The following ARHGEF26 variants were observed in gnomAD, a reference collection of about 807,000 sequenced individuals.
ARHGEF26 encodes the protein Rho guanine nucleotide exchange factor (GEF) 26.
ARHGEF26 carries 59 observed loss-of-function variants against 89.4 expected under a neutral mutation model. That is an observed-to-expected ratio of 0.66 (90% CI 0.54 to 0.82). ARHGEF26 has a LOEUF of 0.82. ARHGEF26 is among the 40% of genes least tolerant of loss of function. The pLI is 0.00. For missense variants in ARHGEF26, 1,234 were observed against 1,085.6 expected (o/e 1.14, Z -1.92); for synonymous variants, 500 against 428.4 (o/e 1.17, Z -2.06).
chr3:154,203,699 A>C (rs1047173960), intron 9 of ARHGEF26, among the ~76,000 whole-genome samples: 4 of 152,050 alleles, frequency 2.6e-5, no homozygotes, highest in African/African-American at 9.7e-5. Context: ...AGGGATGTTG[A>C]ATTTTATCAA....
At chr3:154,210,612 G>C (rs1715302955) in intron 9 of ARHGEF26, among the ~76,000 whole-genome samples, 1 of 151,742 alleles carries the variant, frequency 6.6e-6, no homozygotes, top group Non-Finnish European at 1.5e-5. Context: ...ACTGCACCTG[G>C]CCGCCAATTG....
chr3:154,187,211 C>T, intron 6 of ARHGEF26: 1 of 984,352 alleles, frequency 1.0e-6, no homozygotes, highest in Non-Finnish European at 1.2e-6. Context: ...ATTTTTTAAG[C>T]ATTTATTTAG....
chr3:154,216,500 TTATTTTTTA>T (rs1715746929), intron 9 of ARHGEF26, among the ~76,000 whole-genome samples: 1 of 29,180 alleles, frequency 3.4e-5, no homozygotes, highest in Non-Finnish European at 5.9e-5. Context: ...TTATTTTTTT[TTATTTTTTA>T]TTTTTTTTTT....
chr3:154,203,646 G>T (rs549465311), intron 9 of ARHGEF26, among the ~76,000 whole-genome samples: 2 of 152,178 alleles, frequency 1.3e-5, no homozygotes, highest in East Asian at 1.9e-4. Flanking sequence ...TCATGTTGGG[G>T]TATGCTCCTT....
chr3:154,219,839 G>A (rs980433366), intron 10 of ARHGEF26, among the ~76,000 whole-genome samples: 10 of 151,712 alleles, frequency 6.6e-5, no homozygotes, highest in East Asian at 2.0e-4. Context: ...GCATGAACCC[G>A]GGAGGCGGAG....
Position 154,217,875 on chromosome 3 carries a change from C to A in ARHGEF26, c.1852C>A (p.Arg618=), listed in dbSNP as rs772105688. ...TACTCTTCTGTGTTCCCAGTTGGTT[C>A]GACTATGCAATGAGGGCGCCCGGAA... ...RALKEVSKLV[R]LCNEGARKME... Residue 618 remains arginine, a synonymous_variant, in exon 10 of 15, where the codon CGA becomes AGA. Coordinates refer to ENST00000465093, the MANE Select transcript of ARHGEF26 (RefSeq NM_015595.4). The A allele has an allele frequency of 6.3e-7, 1 of 1,596,652 alleles. No homozygotes were observed. The highest frequency in any genetic ancestry group is 1.7e-5 in the Admixed American group (1 of 57,566).
chr3:154,157,939 T>C (rs2108110641), intron 6 of ARHGEF26, among the ~76,000 whole-genome samples: 1 of 152,308 alleles, frequency 6.6e-6, no homozygotes, highest in South Asian at 2.1e-4. Flanking sequence ...CTTGTCATTT[T>C]AAGTTTAAAT....
intron 12 of ARHGEF26, among the ~76,000 whole-genome samples, chr3:154,242,840 T>A (rs1717555148): frequency 6.6e-6 from 1 of 152,152 alleles, no homozygotes; most frequent in East Asian, 1.9e-4. Flanking sequence ...GGGAGCTTCA[T>A]CTTCATGTGT....
intron 6 of ARHGEF26, among the ~76,000 whole-genome samples, chr3:154,177,377 G>A (rs915657693): frequency 1.3e-5 from 2 of 152,302 alleles, no homozygotes; most frequent in East Asian, 3.9e-4. Context: ...TCCTACAAGT[G>A]AAACCATTAT....
At position 154,191,412 on chromosome 3, in the gene ARHGEF26, G is replaced by GA; in HGVS notation, c.1765dup (p.Met589AsnfsTer10). The GA allele has an allele frequency of 6.2e-7, 1 of 1,613,716 alleles. No homozygotes were observed. ...AGAGGGTGACCCGCCTTCCCCTGCT[G>GA]ATGGATGTAAGACATGACGGTGGCT... On this transcript the variant is annotated frameshift_variant, in exon 8 of 15. Transcript: ENST00000465093. LOFTEE classifies it high-confidence loss of function.
At chr3:154,237,888 C>A (rs1193906921) in intron 11 of ARHGEF26, among the ~76,000 whole-genome samples, 1 of 152,112 alleles carries the variant, frequency 6.6e-6, no homozygotes. Flanking sequence ...GGTTTTTTAA[C>A]TTGTAAATTG....
At chr3:154,144,980 A>C (rs1719612636) in intron 4 of ARHGEF26, among the ~76,000 whole-genome samples, 1 of 152,078 alleles carries the variant, frequency 6.6e-6, no homozygotes, top group African/African-American at 2.4e-5. Flanking sequence ...CTGTTTACCC[A>C]CCACTCCCCA....
In ARHGEF26 at chr3:154,175,499, A is replaced by G. The variant is rs530144889; in HGVS notation, c.1488-12186A>G. On this transcript the variant is annotated intron_variant, in intron 6 of 14. Transcript: ENST00000465093. ...GATGTGTAAAAGAAAAACCTTTAAAATTGTATTTTCAAAAATCTTGAGTCC... is the reference window on the plus strand; with the variant it reads ...GATGTGTAAAAGAAAAACCTTTAAAGTTGTATTTTCAAAAATCTTGAGTCC... Among the ~76,000 whole-genome samples the G allele has an allele frequency of 2.0e-5, 3 of 152,344 alleles. No homozygotes were observed. The South Asian group carries it at 6.2e-4, about 32-fold the overall frequency.
chr3:154,219,964 G>A (rs357494), intron 10 of ARHGEF26, among the ~76,000 whole-genome samples: 138,747 of 152,022 alleles, frequency 0.91, 63,569 homozygotes, highest in East Asian at 1. Flanking sequence ...ATTAACATCA[G>A]TTGAGTTCCT....
At chr3:154,166,253 T>A (rs922382866) in intron 6 of ARHGEF26, among the ~76,000 whole-genome samples, 1 of 152,112 alleles carries the variant, frequency 6.6e-6, no homozygotes, top group Non-Finnish European at 1.5e-5. Flanking sequence ...GGTTTCACCA[T>A]GTTAGCCAGA....
intron 11 of ARHGEF26, 121 bp from the exon 12 acceptor site, chr3:154,240,249 C>A: frequency 1.5e-6 from 1 of 653,098 alleles, no homozygotes; most frequent in Non-Finnish European, 2.6e-6. Context: ...TAAAATAAGT[C>A]ATTCTTTCCC....
chr3:154,248,653 G>A (rs940039997), intron 12 of ARHGEF26, among the ~76,000 whole-genome samples: 6 of 152,052 alleles, frequency 3.9e-5, no homozygotes, highest in South Asian at 4.2e-4. Flanking sequence ...TCATTGACCC[G>A]CTTCAGGTTA....
intron 12 of ARHGEF26, among the ~76,000 whole-genome samples, chr3:154,243,915 A>G (rs1212689178): frequency 6.6e-6 from 1 of 152,266 alleles, no homozygotes; most frequent in East Asian, 1.9e-4. Context: ...GTTTGCAAAT[A>G]TGCAGGTTAG....
At chr3:154,204,891 A>G (rs1195123376) in intron 9 of ARHGEF26, among the ~76,000 whole-genome samples, 2 of 152,204 alleles carry the variant, frequency 1.3e-5, no homozygotes, top group African/African-American at 4.8e-5. Flanking sequence ...GCTTGATATT[A>G]CTTCAGAATT....
Sources: gnomAD v4.1 joint callset for allele counts (sites outside exome capture counted in the v4.1 genomes callset) on GRCh38, gnomAD v4.1.1 for gene constraint, MANE v1.5 for transcripts, NCBI Gene and HGNC (gene_info 2026-07-23, HGNC 2026-07-21) for gene names.